Variants in MACROD1 observed in about 807,000 individuals in gnomAD.
The protein encoded by MACROD1 is ADP-ribose glycohydrolase MACROD1.
Under a neutral mutation model 41.4 loss-of-function variants are expected in MACROD1, and 31 were observed. That is an observed-to-expected ratio of 0.75 (90% CI 0.56 to 1.01). The LOEUF (loss-of-function observed/expected upper bound fraction) is 1.01, where lower values mean the gene tolerates loss of function less well. Ranked by LOEUF, MACROD1 falls within the 50% of genes least tolerant of loss-of-function variation. MACROD1 has a pLI of 0.00. For missense variants in MACROD1, 473 were observed against 460.0 expected (o/e 1.03, Z -0.26); for synonymous variants, 252 against 203.4 (o/e 1.24, Z -2.03).
intron 3 of MACROD1, among the ~76,000 whole-genome samples, chr11:64,070,875 GC>G (rs1565219016): frequency 3.3e-5 from 5 of 152,072 alleles, no homozygotes; most frequent in Admixed American, 2.6e-4. Context: ...AATGAATGGG[GC>G]CCCCCTCTGG....
intron 3 of MACROD1, chr11:64,116,928 C>T (rs1346160949): frequency 6.2e-7 from 1 of 1,611,492 alleles, no homozygotes. Context: ...CTTCAAGGGC[C>T]TCAACAGCCT....
At chr11:64,029,343 G>A (rs1276362912) in intron 3 of MACROD1, among the ~76,000 whole-genome samples, 1 of 152,166 alleles carries the variant, frequency 6.6e-6, no homozygotes, top group South Asian at 2.1e-4. Flanking sequence ...CTGGCGGCCG[G>A]CAGAAGAGGC....
chr11:64,087,696 G>A (rs1330262566), intron 3 of MACROD1, among the ~76,000 whole-genome samples: 1 of 152,210 alleles, frequency 6.6e-6, no homozygotes. Flanking sequence ...ATGATCTCAT[G>A]ATGCTGCATG....
intron 3 of MACROD1, among the ~76,000 whole-genome samples, chr11:64,055,898 A>C (rs1220888959): frequency 6.6e-6 from 1 of 152,202 alleles, no homozygotes; most frequent in Non-Finnish European, 1.5e-5. Flanking sequence ...TTTGGCAGGC[A>C]GGGCACAGCA....
intron 3 of MACROD1, among the ~76,000 whole-genome samples, chr11:64,113,877 T>TGGAA (rs758047887): frequency 0.011 from 1,639 of 142,706 alleles, 37 homozygotes; most frequent in African/African-American, 0.036. Flanking sequence ...GATACATGGA[T>TGGAA]GGATGGATGG....
Position 64,117,425 on chromosome 11 carries a change from C to T in MACROD1, c.517+33814G>A, listed in dbSNP as rs143408791. ...GTTTTGAGACGGGGCCGCAGGGCGG[C>T]GTGGCCAATGCGGCTGCCAAGACCA... is the stretch of plus-strand genomic sequence containing the variant. On this transcript the variant is annotated intron_variant, in intron 3 of 10. Transcript: ENST00000255681. 1.6e-5 allele frequency: 25 copies of T among 1,612,424 alleles called. No individual in the cohort carries two copies. Among genetic ancestry groups the T allele is most frequent in the East Asian group, 6.7e-5 (3 of 44,848 alleles).
At chr11:64,138,362 G>C (rs553445470) in intron 3 of MACROD1, among the ~76,000 whole-genome samples, 2 of 152,334 alleles carry the variant, frequency 1.3e-5, no homozygotes, top group African/African-American at 4.8e-5. Flanking sequence ...AAAGCTCCCC[G>C]CAGGCTGCCA....
chr11:64,018,723 C>A (rs989635195), intron 3 of MACROD1, among the ~76,000 whole-genome samples: 1 of 152,218 alleles, frequency 6.6e-6, no homozygotes, highest in Non-Finnish European at 1.5e-5. Context: ...GGTCCTTACA[C>A]AACAAGTCAT....
chr11:64,097,052 T>G (rs1944589477), intron 3 of MACROD1, among the ~76,000 whole-genome samples: 1 of 152,270 alleles, frequency 6.6e-6, no homozygotes, highest in Non-Finnish European at 1.5e-5. Context: ...GGCGCCTGCC[T>G]GCTCCTGTCT....
At chr11:64,155,762 G>A (rs1022956816) in intron 1 of MACROD1, among the ~76,000 whole-genome samples, 2 of 152,040 alleles carry the variant, frequency 1.3e-5, no homozygotes, top group African/African-American at 2.4e-5. Context: ...CCAGGAGTTC[G>A]AGACCAGCCT....
chr11:64,094,158 C>T (rs1057123034), intron 3 of MACROD1, among the ~76,000 whole-genome samples: 3 of 152,180 alleles, frequency 2.0e-5, no homozygotes, highest in Non-Finnish European at 4.4e-5. Context: ...TTAGGCTGGG[C>T]GTGGTGGCTC....
At chr11:64,089,974 C>A (rs1443063147) in intron 3 of MACROD1, among the ~76,000 whole-genome samples, 2 of 152,158 alleles carry the variant, frequency 1.3e-5, no homozygotes, top group Non-Finnish European at 2.9e-5. Flanking sequence ...GATAAGATGG[C>A]GTCTTCATTG....
intron 3 of MACROD1, among the ~76,000 whole-genome samples, chr11:64,021,775 C>T (rs1186283011): frequency 2.6e-5 from 4 of 151,988 alleles, no homozygotes; most frequent in African/African-American, 7.3e-5. Flanking sequence ...CCAGCCCCAC[C>T]GTGTGCCAGG....
chr11:64,094,087 A>G (rs1335468181), intron 3 of MACROD1, among the ~76,000 whole-genome samples: 1 of 152,188 alleles, frequency 6.6e-6, no homozygotes, highest in Non-Finnish European at 1.5e-5. Context: ...ATCTGAGGTC[A>G]GGAGTTTGAG....
At chr11:64,000,599 G>A (rs1365530065) in intron 4 of MACROD1, among the ~76,000 whole-genome samples, 3 of 152,002 alleles carry the variant, frequency 2.0e-5, no homozygotes, top group African/African-American at 7.2e-5. Flanking sequence ...GGCGCACCCG[G>A]CCCACCCTGT....
chr11:64,069,736 G>A (rs989628950), intron 3 of MACROD1, among the ~76,000 whole-genome samples: 9 of 152,196 alleles, frequency 5.9e-5, no homozygotes, highest in Non-Finnish European at 8.8e-5. Context: ...GCCCGGCCCC[G>A]GCAGCTGTGT....
intron 3 of MACROD1, among the ~76,000 whole-genome samples, chr11:64,084,054 A>G (rs1334722620): frequency 6.6e-6 from 1 of 152,116 alleles, no homozygotes; most frequent in Non-Finnish European, 1.5e-5. Flanking sequence ...TGAGGCAGAG[A>G]CTGAGGTTTC....
At chr11:64,165,365 C>G (rs965110822) in intron 1 of MACROD1, among the ~76,000 whole-genome samples, 6 of 152,214 alleles carry the variant, frequency 3.9e-5, no homozygotes, top group Non-Finnish European at 8.8e-5. Flanking sequence ...AGTTTCCCTC[C>G]TGCACAGGGA....
At chr11:64,116,484 A>G (rs1723886363) in intron 3 of MACROD1, 1 of 1,613,890 alleles carries the variant, frequency 6.2e-7, no homozygotes, top group East Asian at 2.2e-5. Context: ...CCGGGGACTC[A>G]CATCCATCCC....
Sources: allele counts gnomAD v4.1 joint callset (sites outside exome capture counted in the v4.1 genomes callset), GRCh38; gene constraint gnomAD v4.1.1; transcripts MANE v1.5; gene names NCBI Gene and HGNC (gene_info 2026-07-23, HGNC 2026-07-21).